The following SLC6A11 variants were observed in gnomAD, a reference collection of about 807,000 sequenced individuals.
SLC6A11 encodes sodium- and chloride-dependent GABA transporter 3.
Under a neutral mutation model 74.8 loss-of-function variants are expected in SLC6A11, and 25 were observed. That is an observed-to-expected ratio of 0.33 (90% CI 0.24 to 0.47). The LOEUF is 0.47. Ranked by LOEUF, SLC6A11 falls within the 20% of genes least tolerant of loss-of-function variation. SLC6A11 has a pLI of 1.00. For missense variants in SLC6A11, 574 were observed against 837.0 expected (o/e 0.69, Z 3.88); for synonymous variants, 330 against 330.2 (o/e 1.00, Z 0.01).
intron 6 of SLC6A11, among the ~76,000 whole-genome samples, chr3:10,878,580 T>A (rs1575686736): frequency 2.9e-5 from 1 of 34,056 alleles, no homozygotes; most frequent in African/African-American, 9.9e-5. Flanking sequence ...AATGTTTGTA[T>A]TTTTTTTTTT....
At chr3:10,817,626 T>A (rs558641943) in intron 1 of SLC6A11, among the ~76,000 whole-genome samples, 119 of 152,262 alleles carry the variant, frequency 7.8e-4, no homozygotes, top group Non-Finnish European at 1.5e-3. Flanking sequence ...GGCTCAGAAG[T>A]TGGCTGGCAG....
At chr3:10,823,426 T>TG in intron 4 of SLC6A11, 34 bp downstream of exon 4, 1 of 1,406,250 alleles carries the variant, frequency 7.1e-7, no homozygotes. Flanking sequence ...CCTTGGCCTG[T>TG]GGGGGCTCTG....
At chr3:10,934,195 G>GCCATCTACCCAC in intron 12 of SLC6A11, 29 bp downstream of exon 12, 1 of 1,454,288 alleles carries the variant, frequency 6.9e-7, no homozygotes, top group Non-Finnish European at 9.7e-7. Flanking sequence ...GCCACCTCCA[G>GCCATCTACCCAC]CCATCTACCC....
At chr3:10,843,091 A>G (rs1481156280) in intron 4 of SLC6A11, among the ~76,000 whole-genome samples, 1 of 152,062 alleles carries the variant, frequency 6.6e-6, no homozygotes, top group African/African-American at 2.4e-5. Flanking sequence ...ACAAGCTTGG[A>G]GAGGGGGTTT....
At chr3:10,827,540 G>A (rs967726978) in intron 4 of SLC6A11, among the ~76,000 whole-genome samples, 8 of 152,168 alleles carry the variant, frequency 5.3e-5, no homozygotes, top group African/African-American at 1.9e-4. Context: ...GGCTCCAGTT[G>A]TCCTTTTCAC....
chr3:10,904,565 T>C (rs1235495311), intron 6 of SLC6A11, among the ~76,000 whole-genome samples: 3 of 152,192 alleles, frequency 2.0e-5, no homozygotes, highest in Non-Finnish European at 4.4e-5. Context: ...TGAGACTGTT[T>C]TCCCTTCAAA....
intron 5 of SLC6A11, among the ~76,000 whole-genome samples, chr3:10,865,795 C>G (rs1261922412): frequency 6.6e-6 from 1 of 152,218 alleles, no homozygotes; most frequent in African/African-American, 2.4e-5. Context: ...TCCTGGTTGA[C>G]TACAGGTGTA....
At chr3:10,902,463 G>C (rs1575695884) in intron 6 of SLC6A11, among the ~76,000 whole-genome samples, 1 of 152,332 alleles carries the variant, frequency 6.6e-6, no homozygotes, top group East Asian at 1.9e-4. Context: ...GTGGGTGCTT[G>C]TTTGCATAGT....
At chr3:10,894,420 C>G (rs552016225) in intron 6 of SLC6A11, among the ~76,000 whole-genome samples, 30 of 152,266 alleles carry the variant, frequency 2.0e-4, no homozygotes, top group African/African-American at 7.0e-4. Context: ...CTGCAGAGAG[C>G]AGAGAGATAG....
At chr3:10,883,532 C>T (rs758848056) in intron 6 of SLC6A11, among the ~76,000 whole-genome samples, 2 of 152,224 alleles carry the variant, frequency 1.3e-5, no homozygotes, top group East Asian at 1.9e-4. Flanking sequence ...GAGACTAAGG[C>T]GTCCAAACTC....
At chr3:10,897,517 A>G (rs1695185189) in intron 6 of SLC6A11, among the ~76,000 whole-genome samples, 1 of 152,224 alleles carries the variant, frequency 6.6e-6, no homozygotes, top group Non-Finnish European at 1.5e-5. Context: ...GCAAGTCTGA[A>G]ATCCAGCAGG....
chr3:10,846,461 T>C (rs1694504450), intron 5 of SLC6A11, among the ~76,000 whole-genome samples: 2 of 152,174 alleles, frequency 1.3e-5, no homozygotes, highest in African/African-American at 2.4e-5. Flanking sequence ...TGTATGGACA[T>C]GCTTAGGCTA....
chr3:10,911,848 G>A (rs1695391935), intron 6 of SLC6A11, among the ~76,000 whole-genome samples: 2 of 152,166 alleles, frequency 1.3e-5, no homozygotes, highest in Admixed American at 6.5e-5. Flanking sequence ...GCTATTCACT[G>A]AGCTATTATT....
At chr3:10,904,779 C>A (rs1279375787) in intron 6 of SLC6A11, among the ~76,000 whole-genome samples, 1 of 152,090 alleles carries the variant, frequency 6.6e-6, no homozygotes, top group African/African-American at 2.4e-5. Context: ...GAGGTCCTAG[C>A]TTTTCTCTGT....
chr3:10,857,350 G>T (rs1167775928), intron 5 of SLC6A11, among the ~76,000 whole-genome samples: 1 of 152,130 alleles, frequency 6.6e-6, no homozygotes, highest in Non-Finnish European at 1.5e-5. Flanking sequence ...TCAGAGTAGG[G>T]GAAGCATAAT....
rs1192043523 is a variant in SLC6A11 at position 10,816,606 on chromosome 3, C to G, written c.256+85C>G. ...CAGGGGCGAGCGCGAGACCCCCTCC[C>G]GCGCCTGCGTGGAGCGGAACCCGAG... On this transcript the variant is annotated intron_variant, in intron 1 of 13. Coordinates refer to ENST00000254488, the MANE Select transcript of SLC6A11 (RefSeq NM_014229.3). The surrounding 1 kb of genome is among the most constrained non-coding windows in gnomAD (Gnocchi z 4.2). 7.4e-7 allele frequency: 1 copy of G among 1,347,314 alleles called. No individual in the cohort carries two copies. The highest frequency in any genetic ancestry group is 3.0e-5 in the East Asian group (1 of 33,748). The allele number at this position is 1,347,314 out of a possible 1,614,324, so 83.5% of individuals were successfully genotyped here. A position where few individuals can be genotyped will look rare whatever the true frequency, so the allele number is the denominator to read the frequency against.
intron 4 of SLC6A11, among the ~76,000 whole-genome samples, chr3:10,842,960 GA>G (rs1694456962): frequency 6.6e-6 from 1 of 152,158 alleles, no homozygotes; most frequent in Non-Finnish European, 1.5e-5. Context: ...GACAGACACT[GA>G]GGGTGGCTTT....
intron 5 of SLC6A11, among the ~76,000 whole-genome samples, chr3:10,858,001 T>G (rs763724997): frequency 1.3e-5 from 2 of 152,266 alleles, no homozygotes; most frequent in Admixed American, 1.3e-4. Flanking sequence ...GGAGAGCCGA[T>G]GCACCACTGA....
Position 10,929,355 on chromosome 3 carries a change from C to A in SLC6A11, c.1371+16C>A. 6.2e-7 allele frequency: 1 copy of A among 1,612,604 alleles called. No homozygotes were observed. On this transcript the variant is annotated intron_variant, in intron 10 of 13. Coordinates refer to ENST00000254488, the MANE Select transcript of SLC6A11 (RefSeq NM_014229.3). ...GTTAACAGAGGTGAGTGGCATGGTT[C>A]GGGCCGCACGGGGTGAAGTGGGTGT... is the stretch of plus-strand genomic sequence containing the variant.
Sources: gnomAD v4.1 joint callset for allele counts (sites outside exome capture counted in the v4.1 genomes callset) on GRCh38, gnomAD v4.1.1 for gene constraint, Gnocchi (gnomAD v3.1) non-coding constraint, MANE v1.5 for transcripts, NCBI Gene and HGNC (gene_info 2026-07-23, HGNC 2026-07-21) for gene names.